The following TRIO variants were observed in gnomAD, a reference collection of about 807,000 sequenced individuals.
TRIO encodes triple functional domain protein.
Under a neutral mutation model 351.9 loss-of-function variants are expected in TRIO, and 58 were observed. The ratio of observed to expected loss-of-function variants is 0.16; its 90% CI spans 0.13 to 0.21. TRIO has a LOEUF of 0.21. Ranked by LOEUF, TRIO falls within the 10% of genes least tolerant of loss-of-function variation. The pLI is 1.00. For synonymous variants in TRIO, 1,758 were observed against 1,595.7 expected (o/e 1.10, Z -2.42); for missense variants, 3,201 against 4,027.8 (o/e 0.79, Z 5.56).
chr5:14,205,059 G>T (rs972924720), intron 1 of TRIO, among the ~76,000 whole-genome samples: 1 of 152,200 alleles, frequency 6.6e-6, no homozygotes, highest in African/African-American at 2.4e-5. Context: ...TAGAGACAGA[G>T]GCCAACATTT....
Position 14,143,775 on chromosome 5 carries a change from C to T in TRIO, c.50C>T (p.Pro17Leu). The change falls in exon 1 of 57, where the codon CCC (proline) becomes CTC (leucine). Residue 17 changes from proline to leucine, a missense_variant. Coordinates refer to ENST00000344204, the MANE Select transcript of TRIO (RefSeq NM_007118.4). ...GCCGCCCCCGCCGCGTCCTCCGGCC[C>T]CGCCGCGGCGGCCAGCGCGGCTGGC... is the stretch of plus-strand genomic sequence containing the variant. ...GAAAPAASSG[P>L]AAAASAAGSG... 2.0e-6 allele frequency: 2 copies of T among 1,013,104 alleles called. No homozygotes were observed. Among genetic ancestry groups the T allele is most frequent in the Non-Finnish European group, 2.4e-6 (2 of 850,050 alleles). The allele number at this position is 1,013,104 out of a possible 1,614,324, so 62.8% of individuals were successfully genotyped here.
chr5:14,259,611 G>A (rs1449451578), intron 1 of TRIO, among the ~76,000 whole-genome samples: 2 of 152,158 alleles, frequency 1.3e-5, no homozygotes, highest in Non-Finnish European at 2.9e-5. Context: ...GCCAGTGGTT[G>A]CCAGCATCAG....
chr5:14,494,341 A>G (rs1013839837), intron 49 of TRIO, among the ~76,000 whole-genome samples: 18 of 152,212 alleles, frequency 1.2e-4, no homozygotes, highest in African/African-American at 4.1e-4. Flanking sequence ...AAATGGAACA[A>G]CAAAGCCTGG....
At chr5:14,178,467 C>T (rs1789538124) in intron 1 of TRIO, among the ~76,000 whole-genome samples, 1 of 152,160 alleles carries the variant, frequency 6.6e-6, no homozygotes, top group African/African-American at 2.4e-5. Flanking sequence ...GTGTTGCTGT[C>T]AAATATTGAT....
intron 1 of TRIO, among the ~76,000 whole-genome samples, chr5:14,148,228 T>C: frequency 6.6e-6 from 1 of 152,220 alleles, no homozygotes; most frequent in Admixed American, 6.5e-5. Flanking sequence ...AAGCATGTGG[T>C]TTACATATGT....
chr5:14,194,349 A>G (rs980207518), intron 1 of TRIO, among the ~76,000 whole-genome samples: 2 of 152,256 alleles, frequency 1.3e-5, no homozygotes, highest in Non-Finnish European at 2.9e-5. Flanking sequence ...AATAAAGTAC[A>G]TAAGGCTCGT....
intron 49 of TRIO, among the ~76,000 whole-genome samples, chr5:14,495,682 A>G (rs1756839583): frequency 6.7e-6 from 1 of 149,466 alleles, no homozygotes; most frequent in Non-Finnish European, 1.5e-5. Context: ...AAAAAAAAAA[A>G]AAAAGGCCAG....
chr5:14,202,294 A>ATTTTTTTTTTTTTTTTTTTTTTTTTTTT (rs60827656), intron 1 of TRIO, among the ~76,000 whole-genome samples: 2 of 33,534 alleles, frequency 6.0e-5, no homozygotes, highest in African/African-American at 1.0e-4. Context: ...TATTTTTGTG[A>ATTTTTTTTTTTTTTTTTTTTTTTTTTTT]TTTTTTTTTT....
Position 14,453,615 on chromosome 5 carries a change from T to C in TRIO, c.5204-7404T>C, listed in dbSNP as rs145719425. The stretch of plus-strand genomic sequence containing the variant: ...AATCCTATTACAACCCTGTGAGATG[T>C]GGAAACTCACATGCCAGAATGTTTG... On this transcript the variant is annotated intron_variant, in intron 34 of 56. Coordinates refer to ENST00000344204, the MANE Select transcript of TRIO (RefSeq NM_007118.4). 2.4e-3 allele frequency among the ~76,000 whole-genome samples: 372 copies of C among 152,338 alleles called. 3 individuals are homozygous for C. Among genetic ancestry groups the C allele is most frequent in the African/African-American group, 8.7e-3 (363 of 41,580 alleles).
At position 14,487,786 on chromosome 5, in the gene TRIO, C is replaced by T; in HGVS notation, c.7158C>T (p.Gly2386=). 1 of 1,379,902 alleles carries T rather than the reference C, an allele frequency of 7.2e-7. No individual in the cohort carries two copies. The highest frequency in any genetic ancestry group is 9.4e-7 in the Non-Finnish European group (1 of 1,065,488). The allele number at this position is 1,379,902 out of a possible 1,614,324, so 85.5% of individuals were successfully genotyped here. ...CCCCTGGCGCGGCCCCCGAGGCCGGCCCCAGCGCGCCCAGCAGGCGGCCCC... is the reference window on the plus strand; with the variant it reads ...CCCCTGGCGCGGCCCCCGAGGCCGGTCCCAGCGCGCCCAGCAGGCGGCCCC... ...LPPPGAAPEA[G]PSAPSRRPPG... is the part of the protein sequence containing the mutation. The change falls in exon 48 of 57, where the codon GGC becomes GGT. Residue 2386 remains glycine (G), a synonymous_variant. Transcript: ENST00000344204.
At chr5:14,320,353 G>C (rs73059540) in intron 9 of TRIO, among the ~76,000 whole-genome samples, 13,444 of 152,058 alleles carry the variant, frequency 0.088, 689 homozygotes, top group African/African-American at 0.14. Flanking sequence ...TCAACTGTTC[G>C]GCTGGCGTGG....
intron 11 of TRIO, among the ~76,000 whole-genome samples, chr5:14,352,119 T>G (rs1476399404): frequency 6.6e-6 from 1 of 152,222 alleles, no homozygotes; most frequent in East Asian, 1.9e-4. Flanking sequence ...GTCATCCTTC[T>G]GTGTGGATCC....
At chr5:14,168,033 G>A (rs1788875069) in intron 1 of TRIO, among the ~76,000 whole-genome samples, 1 of 152,164 alleles carries the variant, frequency 6.6e-6, no homozygotes. Flanking sequence ...TTACAAGATA[G>A]TTCTTCACAT....
intron 33 of TRIO, among the ~76,000 whole-genome samples, chr5:14,412,130 G>A (rs1228774745): frequency 2.6e-5 from 4 of 151,844 alleles, no homozygotes; most frequent in African/African-American, 7.3e-5. Context: ...TGAGATTATA[G>A]GCAAGTACCA....
At chr5:14,218,903 G>A (rs893484849) in intron 1 of TRIO, among the ~76,000 whole-genome samples, 1 of 152,218 alleles carries the variant, frequency 6.6e-6, no homozygotes, top group Non-Finnish European at 1.5e-5. Flanking sequence ...TCCCTGTGCC[G>A]CTGGCAGTGC....
intron 36 of TRIO, 106 bp from the exon 37 acceptor site, chr5:14,465,439 G>A: frequency 9.3e-7 from 1 of 1,075,248 alleles, no homozygotes; most frequent in South Asian, 1.4e-5. Context: ...CTTTTTGTCT[G>A]GAATTACTTT....
At chr5:14,253,647 C>A (rs76153570) in intron 1 of TRIO, among the ~76,000 whole-genome samples, 19,019 of 152,246 alleles carry the variant, frequency 0.12, 1,665 homozygotes, top group African/African-American at 0.24. Flanking sequence ...CTGGCCAGTG[C>A]TGGGATTCTT....
At chr5:14,150,958 C>CT (rs1787792313) in intron 1 of TRIO, among the ~76,000 whole-genome samples, 1 of 152,166 alleles carries the variant, frequency 6.6e-6, no homozygotes, top group Non-Finnish European at 1.5e-5. Flanking sequence ...TTACAATAAT[C>CT]TTTAGCTATA....
chr5:14,452,069 G>T (rs754565557), intron 34 of TRIO, among the ~76,000 whole-genome samples: 66 of 152,356 alleles, frequency 4.3e-4, no homozygotes, highest in Non-Finnish European at 8.4e-4. Context: ...GCTGTCAATC[G>T]GCAGCAGACC....
Sources: gnomAD v4.1 joint callset for allele counts (sites outside exome capture counted in the v4.1 genomes callset) on GRCh38, gnomAD v4.1.1 for gene constraint, MANE v1.5 for transcripts, NCBI Gene and HGNC (gene_info 2026-07-23, HGNC 2026-07-21) for gene names.